SCMH1: variants seen among roughly 807,000 people sequenced by gnomAD.
SCMH1 encodes polycomb protein SCMH1.
In SCMH1, 37 loss-of-function variants were observed where a neutral mutation model predicts 70.8. The observed-to-expected ratio is 0.52, with a 90% confidence interval of 0.40 to 0.69. The LOEUF is 0.69. Ranked by LOEUF, SCMH1 falls within the 30% of genes least tolerant of loss-of-function variation. SCMH1 has a pLI of 0.00. For missense variants in SCMH1, 607 were observed against 827.3 expected, an observed-to-expected ratio of 0.73 and a Z score of 3.27; for synonymous variants, 292 against 307.4, an observed-to-expected ratio of 0.95 and a Z score of 0.52.
At chr1:41,181,043 G>A (rs544221728) in intron 2 of SCMH1, among the ~76,000 whole-genome samples, 2 of 152,136 alleles carry the variant, frequency 1.3e-5, no homozygotes, top group African/African-American at 2.4e-5. Context: ...AAATAACGCC[G>A]CATATCTACA....
chr1:41,141,066 C>A (rs2148204664), intron 6 of SCMH1, among the ~76,000 whole-genome samples: 1 of 152,264 alleles, frequency 6.6e-6, no homozygotes, highest in African/African-American at 2.4e-5. Flanking sequence ...ATAAAGCATG[C>A]ATTTAAACTG....
At chr1:41,035,135 T>C (rs961982519) in intron 13 of SCMH1, among the ~76,000 whole-genome samples, 1 of 152,258 alleles carries the variant, frequency 6.6e-6, no homozygotes, top group Non-Finnish European at 1.5e-5. Context: ...GTAACCATTA[T>C]ATCACAAAGT....
chr1:41,241,865 C>T (rs2148970970), intron 1 of SCMH1, among the ~76,000 whole-genome samples, 194 bp downstream of exon 1: 1 of 151,896 alleles, frequency 6.6e-6, no homozygotes, highest in South Asian at 2.1e-4. Context: ...CGGGGCCGGG[C>T]TGACACGGCC....
At chr1:41,078,073 A>C (rs1249382557) in intron 8 of SCMH1, among the ~76,000 whole-genome samples, 1 of 152,214 alleles carries the variant, frequency 6.6e-6, no homozygotes, top group Non-Finnish European at 1.5e-5. Flanking sequence ...ATAAAAAACT[A>C]AATGGACATC....
At chr1:41,135,087 T>G (rs537028941) in intron 6 of SCMH1, among the ~76,000 whole-genome samples, 60 of 152,338 alleles carry the variant, frequency 3.9e-4, no homozygotes, top group Non-Finnish European at 6.3e-4. Context: ...TCCTAATTCC[T>G]TTTATTTAGG....
chr1:41,121,362 AATC>A (rs1671896599), intron 6 of SCMH1, among the ~76,000 whole-genome samples: 2 of 152,240 alleles, frequency 1.3e-5, no homozygotes, highest in South Asian at 4.1e-4. Flanking sequence ...TTTCATAACT[AATC>A]ATCACATTAA....
chr1:41,199,671 A>C (rs1653833735), intron 1 of SCMH1, among the ~76,000 whole-genome samples: 1 of 151,892 alleles, frequency 6.6e-6, no homozygotes, highest in Non-Finnish European at 1.5e-5. Context: ...GTGGGAGCTA[A>C]ATATCAGGTA....
At chr1:41,178,862 G>A (rs1472156035) in intron 2 of SCMH1, among the ~76,000 whole-genome samples, 3 of 152,108 alleles carry the variant, frequency 2.0e-5, no homozygotes, top group African/African-American at 7.2e-5. Context: ...CAGGAATTGA[G>A]CTCAGCTCTG....
chr1:41,146,545 A>G (rs940997242), intron 5 of SCMH1, among the ~76,000 whole-genome samples: 7 of 147,184 alleles, frequency 4.8e-5, no homozygotes, highest in African/African-American at 1.7e-4. Flanking sequence ...TTTATACCAT[A>G]TTTTTTTTTT....
At chr1:41,046,347 G>C in intron 12 of SCMH1, 60 bp downstream of exon 12, 1 of 1,466,836 alleles carries the variant, frequency 6.8e-7, no homozygotes, top group South Asian at 1.2e-5. Flanking sequence ...CTGGGCCCCT[G>C]CAGGTGCTGC....
At chr1:41,107,316 C>G (rs1668198087) in intron 8 of SCMH1, among the ~76,000 whole-genome samples, 1 of 151,828 alleles carries the variant, frequency 6.6e-6, no homozygotes, top group African/African-American at 2.4e-5. Flanking sequence ...TATATGTTCA[C>G]AAAACTGTAA....
chr1:41,135,678 T>C (rs1202874656), intron 6 of SCMH1, among the ~76,000 whole-genome samples: 1 of 152,208 alleles, frequency 6.6e-6, no homozygotes, highest in South Asian at 2.1e-4. Context: ...TAAGTTACAA[T>C]TAAATACAAT....
intron 9 of SCMH1, among the ~76,000 whole-genome samples, chr1:41,074,606 T>C (rs1446066708): frequency 6.6e-6 from 1 of 152,124 alleles, no homozygotes; most frequent in Non-Finnish European, 1.5e-5. Flanking sequence ...ACGCTGGACA[T>C]CTACTTTGGA....
intron 5 of SCMH1, among the ~76,000 whole-genome samples, chr1:41,147,086 C>G (rs974279989): frequency 6.6e-6 from 1 of 152,094 alleles, no homozygotes; most frequent in African/African-American, 2.4e-5. Context: ...TTTTGAAAAT[C>G]AGAGCCATTT....
chr1:41,101,048 G>A (rs1226243481), intron 8 of SCMH1, among the ~76,000 whole-genome samples: 1 of 151,734 alleles, frequency 6.6e-6, no homozygotes, highest in Non-Finnish European at 1.5e-5. Context: ...AAAGAAGAGA[G>A]CTCAAGATGA....
chr1:41,131,717 C>A (rs957079402), intron 6 of SCMH1, among the ~76,000 whole-genome samples: 1 of 152,146 alleles, frequency 6.6e-6, no homozygotes, highest in African/African-American at 2.4e-5. Flanking sequence ...TCCCACCCCC[C>A]AGCAGGCCCT....
chr1:41,098,320 G>C (rs1260833567), intron 8 of SCMH1, among the ~76,000 whole-genome samples: 1 of 152,114 alleles, frequency 6.6e-6, no homozygotes, highest in African/African-American at 2.4e-5. Flanking sequence ...ACTTGAGAAA[G>C]TGACCTTTTA....
At chr1:41,093,950 A>G (rs1285652128) in intron 8 of SCMH1, among the ~76,000 whole-genome samples, 1 of 152,226 alleles carries the variant, frequency 6.6e-6, no homozygotes, top group East Asian at 1.9e-4. Context: ...CGTCTGCCAA[A>G]CACCCAAATC....
chr1:41,179,571 G>A (rs1396141160), intron 2 of SCMH1, among the ~76,000 whole-genome samples: 1 of 152,160 alleles, frequency 6.6e-6, no homozygotes, highest in African/African-American at 2.4e-5. Context: ...TACCATCAGA[G>A]AATACTATAA....
Sources: gnomAD v4.1 joint callset for allele counts (sites outside exome capture counted in the v4.1 genomes callset) on GRCh38, gnomAD v4.1.1 for gene constraint, MANE v1.5 for transcripts, NCBI Gene and HGNC (gene_info 2026-07-23, HGNC 2026-07-21) for gene names.